Variants in UBE2E2 observed in about 807,000 individuals in gnomAD.
UBE2E2 encodes ubiquitin conjugating enzyme E2 E2, also known as ubiquitin-conjugating enzyme E2 E2.
Under a neutral mutation model 24.7 loss-of-function variants are expected in UBE2E2, and 6 were observed. That is an observed-to-expected ratio of 0.24 (90% CI 0.13 to 0.48). The LOEUF (loss-of-function observed/expected upper bound fraction) is 0.48, where lower values mean the gene tolerates loss of function less well. Ranked by LOEUF, UBE2E2 falls within the 20% of genes least tolerant of loss-of-function variation. The pLI, the probability that UBE2E2 is intolerant of heterozygous loss-of-function variation, is 0.99. For missense variants in UBE2E2, 169 were observed against 245.0 expected, an observed-to-expected ratio of 0.69 and a Z score of 2.07; for synonymous variants, 104 against 83.6, an observed-to-expected ratio of 1.24 and a Z score of -1.33.
At chr3:23,453,350 T>A (rs1698607229) in intron 3 of UBE2E2, among the ~76,000 whole-genome samples, 1 of 152,166 alleles carries the variant, frequency 6.6e-6, no homozygotes, top group Admixed American at 6.5e-5. Flanking sequence ...TGTTTCTGTT[T>A]TTTTTTGTGG....
At chr3:23,289,565 G>A (rs573511036) in intron 3 of UBE2E2, among the ~76,000 whole-genome samples, 4 of 152,318 alleles carry the variant, frequency 2.6e-5, no homozygotes, top group South Asian at 4.1e-4. Flanking sequence ...AGGAAATACC[G>A]TTTAAGATGT....
intron 4 of UBE2E2, among the ~76,000 whole-genome samples, chr3:23,526,115 C>G (rs1250296012): frequency 6.6e-6 from 1 of 152,102 alleles, no homozygotes; most frequent in Non-Finnish European, 1.5e-5. Context: ...GCTGATGTAA[C>G]CAGACCACTC....
chr3:23,345,560 C>T (rs149248249), intron 3 of UBE2E2, among the ~76,000 whole-genome samples: 8 of 152,202 alleles, frequency 5.3e-5, no homozygotes, highest in African/African-American at 1.9e-4. Context: ...TGAACTTTAT[C>T]TTAACACAAT....
intron 3 of UBE2E2, among the ~76,000 whole-genome samples, chr3:23,427,748 C>G (rs566361115): frequency 6.6e-6 from 1 of 152,004 alleles, no homozygotes; most frequent in Non-Finnish European, 1.5e-5. Flanking sequence ...AACACTAATC[C>G]AAAGAAAGTG....
intron 3 of UBE2E2, among the ~76,000 whole-genome samples, chr3:23,263,013 A>G (rs1697944276): frequency 6.6e-6 from 1 of 152,184 alleles, no homozygotes; most frequent in Non-Finnish European, 1.5e-5. Context: ...ATTACTTCCT[A>G]CTGATGAGGA....
intron 3 of UBE2E2, among the ~76,000 whole-genome samples, chr3:23,239,919 T>G (rs1697213867): frequency 1.3e-5 from 2 of 152,230 alleles, no homozygotes; most frequent in African/African-American, 4.8e-5. Flanking sequence ...CTTAGTATGA[T>G]TTATTCCTCT....
chr3:23,335,875 C>G (rs4858505), intron 3 of UBE2E2, among the ~76,000 whole-genome samples: 67 of 152,060 alleles, frequency 4.4e-4, no homozygotes, highest in Non-Finnish European at 8.1e-4. Context: ...ACAAAACTTA[C>G]TACGAACAAG....
chr3:23,278,488 G>C lies in UBE2E2; in HGVS notation c.227+61176G>C, dbSNP rs548254660. On this transcript the variant is annotated intron_variant, in intron 3 of 5. Coordinates refer to ENST00000396703, the MANE Select transcript of UBE2E2 (RefSeq NM_152653.4). The stretch of plus-strand genomic sequence containing the variant: ...TTCTTTAAACTCTAGTCTTGCATAA[G>C]AGTAAAAATATTACAGATTCCAGAA... 9.1e-4 allele frequency among the ~76,000 whole-genome samples: 139 copies of C among 152,202 alleles called. 2 individuals are homozygous for C. The South Asian group carries it at 0.027, about 30-fold the overall frequency.
intron 3 of UBE2E2, among the ~76,000 whole-genome samples, chr3:23,314,327 A>C (rs553543583): frequency 2.0e-5 from 3 of 152,146 alleles, no homozygotes; most frequent in Non-Finnish European, 4.4e-5. Context: ...ACGTGATTTC[A>C]TCATGTTGTC....
chr3:23,508,415 T>G (rs1449194174), intron 4 of UBE2E2, among the ~76,000 whole-genome samples: 1 of 152,252 alleles, frequency 6.6e-6, no homozygotes. Flanking sequence ...ACAGGAAGTT[T>G]AATTTAGCCA....
intron 3 of UBE2E2, among the ~76,000 whole-genome samples, chr3:23,383,502 A>C (rs543387386): frequency 6.6e-6 from 1 of 151,972 alleles, no homozygotes; most frequent in Non-Finnish European, 1.5e-5. Flanking sequence ...ACTGGTAAGC[A>C]TTGCAGTGGC....
chr3:23,524,865 G>GACACACAGACACACAC (rs780602583), intron 4 of UBE2E2, among the ~76,000 whole-genome samples: 1,561 of 147,508 alleles, frequency 0.011, 24 homozygotes, highest in African/African-American at 0.037. Context: ...CAGACACACA[G>GACACACAGACACACAC]ACACACACAC....
chr3:23,207,456 A>C (rs1224084266), intron 1 of UBE2E2, among the ~76,000 whole-genome samples: 2 of 152,092 alleles, frequency 1.3e-5, no homozygotes, highest in African/African-American at 4.8e-5. Flanking sequence ...CAGTGTCTTC[A>C]TCTCTTGTGA....
In UBE2E2 at chr3:23,399,102, G is replaced by A. The variant is rs983826855; in HGVS notation, c.228-100506G>A. Among the ~76,000 whole-genome samples, 4 of 152,026 alleles carry A rather than the reference G, an allele frequency of 2.6e-5. No individual in the cohort carries two copies. In the South Asian group the frequency reaches 8.3e-4, roughly 32 times the overall value. Reference sequence around the variant, plus strand: ...ATGCCTTTTCCATCTTAACTAATAGGCATTTATCACGTTTCTTTTTCCTTC... The same window carrying A: ...ATGCCTTTTCCATCTTAACTAATAGACATTTATCACGTTTCTTTTTCCTTC... On this transcript the variant is annotated intron_variant, in intron 3 of 5. Transcript: ENST00000396703.
At chr3:23,502,537 C>T (rs1699746818) in intron 4 of UBE2E2, among the ~76,000 whole-genome samples, 2 of 152,126 alleles carry the variant, frequency 1.3e-5, no homozygotes, top group Non-Finnish European at 1.5e-5. Flanking sequence ...AGGAATGATT[C>T]GAGATGCCCC....
intron 3 of UBE2E2, among the ~76,000 whole-genome samples, chr3:23,330,750 T>C (rs1263225852): frequency 6.6e-6 from 1 of 152,222 alleles, no homozygotes; most frequent in African/African-American, 2.4e-5. Context: ...GTTTGCATAG[T>C]TGCATTCTAA....
intron 5 of UBE2E2, among the ~76,000 whole-genome samples, chr3:23,558,726 G>A (rs972902758): frequency 6.6e-6 from 1 of 152,150 alleles, no homozygotes; most frequent in Non-Finnish European, 1.5e-5. Context: ...ATATTAATGT[G>A]ACTATTTCAA....
chr3:23,212,456 C>T (rs769744146), intron 2 of UBE2E2, among the ~76,000 whole-genome samples: 2 of 152,088 alleles, frequency 1.3e-5, no homozygotes, highest in Non-Finnish European at 2.9e-5. Flanking sequence ...ATTTTGAGAT[C>T]TTCTTTGAAT....
At chr3:23,217,147 G>A in intron 2 of UBE2E2, 115 bp from the exon 3 acceptor site, 1 of 964,272 alleles carries the variant, frequency 1.0e-6, no homozygotes, top group South Asian at 1.5e-5. Context: ...TACAGTATTA[G>A]TATTTCAAAC....
Sources: gnomAD v4.1 joint callset for allele counts (sites outside exome capture counted in the v4.1 genomes callset) on GRCh38, gnomAD v4.1.1 for gene constraint, MANE v1.5 for transcripts, NCBI Gene and HGNC (gene_info 2026-07-23, HGNC 2026-07-21) for gene names.